KISS1R: variants seen among roughly 807,000 people sequenced by gnomAD.
KISS1R encodes the protein kiSS-1 receptor.
A neutral mutation model predicts 22.0 loss-of-function variants in KISS1R; 19 were observed. That is an observed-to-expected ratio of 0.86 (90% CI 0.60 to 1.26). The LOEUF (loss-of-function observed/expected upper bound fraction) is 1.26. Among genes scored for constraint, KISS1R ranks in the 50% most tolerant of loss-of-function variants. The probability of loss-of-function intolerance (pLI) is 0.00; values close to 1 mark genes in which losing one functional copy is unlikely to be tolerated. For synonymous variants in KISS1R, 302 were observed against 283.9 expected, an observed-to-expected ratio of 1.06 and a Z score of -0.64; for missense variants, 653 against 581.9, an observed-to-expected ratio of 1.12 and a Z score of -1.26.
chr19:920,325 G>A lies in KISS1R; in HGVS notation c.774G>A (p.Arg258=), dbSNP rs780842753. 3 of 1,566,512 alleles carry A rather than the reference G, an allele frequency of 1.9e-6. No individual in the cohort carries two copies. The change falls in exon 5 of 5, where the codon CGG becomes CGA. Residue 258 remains arginine, a synonymous_variant. Coordinates refer to ENST00000234371, the MANE Select transcript of KISS1R (RefSeq NM_032551.5). ...TGGCAGAGCGCGCAGGCGCCGTGCGGGCCAAGGTCTCGCGGCTGGTGGCGG... is the reference window on the plus strand; with the variant it reads ...TGGCAGAGCGCGCAGGCGCCGTGCGAGCCAAGGTCTCGCGGCTGGTGGCGG... ...QVLAERAGAV[R]AKVSRLVAAV...
intron 2 of KISS1R, 75 bp from the exon 3 acceptor site, chr19:919,415 G>T (rs1202044448): frequency 1.3e-6 from 2 of 1,529,376 alleles, no homozygotes; most frequent in African/African-American, 1.4e-5. Flanking sequence ...CACGTAGGGG[G>T]ATCAGCAGGG....
At position 917,439 on chromosome 19, in the gene KISS1R, G is replaced by A; in HGVS notation, c.-64G>A. On this transcript the variant is annotated 5_prime_UTR_variant, in exon 1 of 5. Coordinates refer to ENST00000234371, the MANE Select transcript of KISS1R (RefSeq NM_032551.5). The stretch of plus-strand genomic sequence containing the variant: ...AGCCCCCGGGCGGTCGGGCGGAGGG[G>A]TCCCCGGGGCGGTGCCAGGGCGCAA... 2 of 1,380,268 alleles carry A rather than the reference G, an allele frequency of 1.4e-6. No homozygotes were observed. Among genetic ancestry groups the A allele is most frequent in the Non-Finnish European group, 1.9e-6 (2 of 1,075,244 alleles). 85.5% of individuals were successfully genotyped at this position (1,380,268 alleles called of 1,614,324 possible).
chr19:917,786 G>A (rs1299610089), intron 1 of KISS1R, 40 bp downstream of exon 1: 2 of 1,567,884 alleles, frequency 1.3e-6, no homozygotes, highest in Admixed American at 1.8e-5. Flanking sequence ...GCCGTCCCGG[G>A]GGCTCCGAGG....
chr19:917,616 G>A lies in KISS1R; in HGVS notation c.114G>A (p.Arg38=), dbSNP rs569047476. ...NASDGPVPSP[R]AVDAWLVPLF... Reference sequence around the variant, plus strand: ...CGGACGGCCCAGTCCCTTCGCCGCGGGCCGTGGACGCCTGGCTCGTGCCGC... The same window carrying A: ...CGGACGGCCCAGTCCCTTCGCCGCGAGCCGTGGACGCCTGGCTCGTGCCGC... Residue 38 remains arginine (R), a synonymous_variant, in exon 1 of 5, where the codon CGG becomes CGA. Coordinates refer to ENST00000234371, the MANE Select transcript of KISS1R (RefSeq NM_032551.5). 1.3e-6 allele frequency: 2 copies of A among 1,573,112 alleles called. No individual in the cohort carries two copies. The highest frequency in any genetic ancestry group is 8.6e-7 in the Non-Finnish European group (1 of 1,161,818).
In KISS1R at chr19:917,634, C is replaced by G; in HGVS notation, c.132C>G (p.Leu44=). 6.3e-7 allele frequency: 1 copy of G among 1,583,920 alleles called. No individual in the cohort carries two copies. The highest frequency in any genetic ancestry group is 8.6e-7 in the Non-Finnish European group (1 of 1,167,160). The change falls in exon 1 of 5, where the codon CTC becomes CTG. Residue 44 remains leucine (L), a synonymous_variant. Transcript: ENST00000234371. The part of the protein sequence containing the change: ...VPSPRAVDAW[L]VPLFFAALML... ...CGCCGCGGGCCGTGGACGCCTGGCT[C>G]GTGCCGCTCTTCTTCGCGGCGCTGA...
chr19:920,514 G>T lies in KISS1R; in HGVS notation c.963G>T (p.Leu321=). The T allele has an allele frequency of 6.2e-7, 1 of 1,605,446 alleles. No homozygotes were observed. The highest frequency in any genetic ancestry group is 8.5e-7 in the Non-Finnish European group (1 of 1,177,400). The change falls in exon 5 of 5, where the codon CTG becomes CTT. Residue 321 remains leucine (L), a synonymous_variant. Transcript: ENST00000234371. ...MSYSNSALNP[L]LYAFLGSHFR... is the part of the protein sequence containing the mutation. Reference sequence around the variant, plus strand: ...ACAGCAACTCCGCGCTGAACCCGCTGCTCTACGCCTTCCTGGGCTCGCACT... The same window carrying T: ...ACAGCAACTCCGCGCTGAACCCGCTTCTCTACGCCTTCCTGGGCTCGCACT...
intron 1 of KISS1R, 107 bp from the exon 2 acceptor site, chr19:918,436 TG>T: frequency 7.5e-7 from 1 of 1,330,622 alleles, no homozygotes; most frequent in Non-Finnish European, 1.0e-6. Flanking sequence ...TGAGCCATCC[TG>T]CTGGTCACTC....
chr19:918,405 T>C, intron 1 of KISS1R, 139 bp from the exon 2 acceptor site: 3 of 822,102 alleles, frequency 3.6e-6, no homozygotes, highest in Non-Finnish European at 5.1e-6. Flanking sequence ...CCAGGGGCGC[T>C]GGGGGAGGGG....
chr19:917,341 C>A lies in KISS1R; in HGVS notation c.-162C>A. 1 of 808,742 alleles carries A rather than the reference C, an allele frequency of 1.2e-6. No homozygotes were observed. Among genetic ancestry groups the A allele is most frequent in the Non-Finnish European group, 1.7e-6 (1 of 581,250 alleles). The allele number at this position is 808,742 out of a possible 1,614,324, so 50.1% of individuals were successfully genotyped here. ...GCCGCAGCGGCGCCGGCAGAGGAGCCGCCGAGCCCAGCACAGCTGCCCTCT... is the reference window on the plus strand; with the variant it reads ...GCCGCAGCGGCGCCGGCAGAGGAGCAGCCGAGCCCAGCACAGCTGCCCTCT... On this transcript the variant is annotated 5_prime_UTR_variant, in exon 1 of 5. Coordinates refer to ENST00000234371, the MANE Select transcript of KISS1R (RefSeq NM_032551.5).
Position 917,584 on chromosome 19 carries a change from A to C in KISS1R, c.82A>C (p.Asn28His), listed in dbSNP as rs2145316796. Residue 28 changes from asparagine to histidine, a missense_variant, in exon 1 of 5, where the codon AAC becomes CAC. Transcript: ENST00000234371. Reference sequence around the variant, plus strand: ...CTCCGGCTGCCCGGGCTGTGGCGCCAACGCCTCGGACGGCCCAGTCCCTTC... The same window carrying C: ...CTCCGGCTGCCCGGGCTGTGGCGCCCACGCCTCGGACGGCCCAGTCCCTTC... ...NASGCPGCGA[N>H]ASDGPVPSPR... The C allele has an allele frequency of 1.3e-6, 2 of 1,540,010 alleles. No homozygotes were observed. The highest frequency in any genetic ancestry group is 8.7e-7 in the Non-Finnish European group (1 of 1,146,684).
At chr19:920,171 C>A in intron 4 of KISS1R, 65 bp downstream of exon 4, 1 of 1,479,102 alleles carries the variant, frequency 6.8e-7, no homozygotes, top group South Asian at 1.3e-5. Flanking sequence ...GTGGGAGGCG[C>A]CGGTGGGGGC....
chr19:919,805 C>T, intron 3 of KISS1R, 69 bp from the exon 4 acceptor site: 1 of 1,506,452 alleles, frequency 6.6e-7, no homozygotes, highest in East Asian at 2.5e-5. Flanking sequence ...TGGGTGAACG[C>T]CTCCCGGGGA....
intron 1 of KISS1R, among the ~76,000 whole-genome samples, chr19:918,058 G>T (rs1482304925): frequency 6.6e-6 from 1 of 152,214 alleles, no homozygotes; most frequent in Non-Finnish European, 1.5e-5. Context: ...TGAACAAAGG[G>T]CTGGGGGAGG....
intron 2 of KISS1R, 145 bp downstream of exon 2, chr19:918,813 AG>A (rs1300744737): frequency 4.4e-4 from 14 of 31,598 alleles, no homozygotes; most frequent in South Asian, 5.5e-4. Flanking sequence ...GGGGACGGGG[AG>A]GGGGGGTGCG....
chr19:919,056 C>T (rs1484471270), intron 2 of KISS1R, among the ~76,000 whole-genome samples: 1 of 145,980 alleles, frequency 6.9e-6, no homozygotes, highest in Non-Finnish European at 1.5e-5. Context: ...GGGCGCGAGG[C>T]AACGCATAGG....
chr19:920,553 CCGCCGCGTCTGCCCCTGCG>C lies in KISS1R; in HGVS notation c.1010_1028del (p.Val337AlafsTer82), dbSNP rs1237465307. On this transcript the variant is annotated frameshift_variant, in exon 5 of 5. Transcript: ENST00000234371. LOFTEE classifies it low-confidence loss of function (END_TRUNC). ...TGGGCTCGCACTTCCGACAGGCCTT[CCGCCGCGTCTGCCCCTGCG>C]CGCCGCGCCGCCCCCGCCGCCCCCG... 1 of 1,581,540 alleles carries C rather than the reference CCGCCGCGTCTGCCCCTGCG, an allele frequency of 6.3e-7. No individual in the cohort carries two copies. The highest frequency in any genetic ancestry group is 2.4e-5 in the East Asian group (1 of 41,420).
Position 919,511 on chromosome 19 carries a change from GC to G in KISS1R, c.393del (p.Thr132LeufsTer2). 1 of 1,556,744 alleles carries G rather than the reference GC, an allele frequency of 6.4e-7. No individual in the cohort carries two copies. Among genetic ancestry groups the G allele is most frequent in the Non-Finnish European group, 8.7e-7 (1 of 1,155,994 alleles). ...GCAGGTCTCGGTGCAGGCCACGTGT[GC>G]CACTCTGACCGCCATGAGTGTGGAC... ...IQQVSVQATC[A>X]TLTAMSVDRW... On this transcript the variant is annotated frameshift_variant, in exon 3 of 5. Transcript: ENST00000234371. LOFTEE classifies it high-confidence loss of function.
chr19:917,434 G>A lies in KISS1R; in HGVS notation c.-69G>A. The A allele has an allele frequency of 7.3e-7, 1 of 1,378,242 alleles. No homozygotes were observed. Among genetic ancestry groups the A allele is most frequent in the East Asian group, 2.9e-5 (1 of 33,910 alleles). 85.4% of individuals were successfully genotyped at this position (1,378,242 alleles called of 1,614,324 possible). A position where few individuals can be genotyped will look rare whatever the true frequency, so the allele number is the denominator to read the frequency against. On this transcript the variant is annotated 5_prime_UTR_variant, in exon 1 of 5. Coordinates refer to ENST00000234371, the MANE Select transcript of KISS1R (RefSeq NM_032551.5). ...GGCGCAGCCCCCGGGCGGTCGGGCG[G>A]AGGGGTCCCCGGGGCGGTGCCAGGG...
chr19:920,055 C>T lies in KISS1R; in HGVS notation c.687C>T (p.Arg229=), dbSNP rs115335009. 3,538 of 1,531,304 alleles carry T rather than the reference C, an allele frequency of 2.3e-3. 69 individuals are homozygous for T. In the African/African-American group the frequency reaches 0.042, roughly 18 times the overall value. 94.9% of individuals were successfully genotyped at this position (1,531,304 alleles called of 1,614,324 possible). Residue 229 remains arginine, a synonymous_variant, in exon 4 of 5, where the codon CGC becomes CGT. Coordinates refer to ENST00000234371, the MANE Select transcript of KISS1R (RefSeq NM_032551.5). Reference sequence around the variant, plus strand: ...GCGCCTGCTATGCGGCCATGCTGCGCCACCTGGGCCGGGTCGCCGTGCGCC... The same window carrying T: ...GCGCCTGCTATGCGGCCATGCTGCGTCACCTGGGCCGGGTCGCCGTGCGCC... ...ATCACYAAML[R]HLGRVAVRPA... is the part of the protein sequence containing the mutation.
Sources: allele counts gnomAD v4.1 joint callset (sites outside exome capture counted in the v4.1 genomes callset), GRCh38; gene constraint gnomAD v4.1.1; transcripts MANE v1.5; gene names NCBI Gene and HGNC (gene_info 2026-07-23, HGNC 2026-07-21).